The following PHACTR3 variants were observed in gnomAD, a reference collection of about 807,000 sequenced individuals.
The protein encoded by PHACTR3 is protein phosphatase 1, regulatory subunit 123.
Under a neutral mutation model 66.8 loss-of-function variants are expected in PHACTR3, and 16 were observed. The ratio of observed to expected loss-of-function variants is 0.24; its 90% CI spans 0.16 to 0.36. The LOEUF is 0.36. Ranked by LOEUF, PHACTR3 falls within the 10% of genes least tolerant of loss-of-function variation. The pLI is 1.00. For missense variants in PHACTR3, 647 were observed against 719.9 expected (o/e 0.90, Z 1.16); for synonymous variants, 323 against 292.1 (o/e 1.11, Z -1.08).
chr20:59,594,252 G>C (rs1465550572), intron 1 of PHACTR3, among the ~76,000 whole-genome samples: 1 of 151,972 alleles, frequency 6.6e-6, no homozygotes, highest in Non-Finnish European at 1.5e-5. Flanking sequence ...CTGGTTTATA[G>C]AAAGAGATTA....
intron 1 of PHACTR3, among the ~76,000 whole-genome samples, chr20:59,735,063 G>T (rs1173816225): frequency 6.6e-6 from 1 of 152,196 alleles, no homozygotes; most frequent in Non-Finnish European, 1.5e-5. Flanking sequence ...CTAACACTGT[G>T]CTTTGTTCAA....
chr20:59,843,516 C>T (rs2059100460), intron 11 of PHACTR3: 1 of 151,914 alleles, frequency 6.6e-6, no homozygotes, highest in African/African-American at 2.4e-5. Flanking sequence ...GAATAGAAAA[C>T]CCAGAAAAAA....
At chr20:59,650,381 G>T (rs924564702) in intron 1 of PHACTR3, among the ~76,000 whole-genome samples, 6 of 152,048 alleles carry the variant, frequency 3.9e-5, no homozygotes. Context: ...GATTGTTCTC[G>T]TTGGGGGGAG....
intron 1 of PHACTR3, among the ~76,000 whole-genome samples, chr20:59,711,338 T>C (rs2037907748): frequency 6.6e-6 from 1 of 152,230 alleles, no homozygotes; most frequent in Non-Finnish European, 1.5e-5. Context: ...TTTTAAGCTC[T>C]TGACACACAT....
intron 8 of PHACTR3, among the ~76,000 whole-genome samples, chr20:59,824,507 G>A (rs2042129920): frequency 1.3e-5 from 2 of 152,220 alleles, no homozygotes; most frequent in South Asian, 4.1e-4. Context: ...GGCTAATGGA[G>A]CAGCACCCGG....
At chr20:59,687,579 G>A (rs1049032011) in intron 1 of PHACTR3, among the ~76,000 whole-genome samples, 3 of 152,102 alleles carry the variant, frequency 2.0e-5, no homozygotes, top group African/African-American at 7.2e-5. Flanking sequence ...GCCTCCGGGA[G>A]GTGTCAGAGA....
rs2033778976 is a variant in PHACTR3, at chr20:59,609,398, C to T, written c.118+4266C>T. On this transcript the variant is annotated intron_variant, in intron 1 of 12. Coordinates refer to ENST00000371015, the MANE Select transcript of PHACTR3 (RefSeq NM_080672.5). Reference sequence around the variant, plus strand: ...CGTCAACACCAGGCTCTGTTCTTGACACCTCCCTCTCCCAAGGTCACAGGT... The same window carrying T: ...CGTCAACACCAGGCTCTGTTCTTGATACCTCCCTCTCCCAAGGTCACAGGT... Among the ~76,000 whole-genome samples the T allele has an allele frequency of 3.9e-5, 6 of 152,162 alleles. No homozygotes were observed. The South Asian group carries it at 1.2e-3, about 32-fold the overall frequency.
chr20:59,584,300 G>T (rs1362651900), intron 1 of PHACTR3, among the ~76,000 whole-genome samples: 1 of 151,736 alleles, frequency 6.6e-6, no homozygotes, highest in Non-Finnish European at 1.5e-5. Context: ...GTACGTGCCT[G>T]TGTGTGACTG....
At chr20:59,844,451 GTGTATATA>G (rs1321647333) in intron 11 of PHACTR3, 1 of 152,040 alleles carries the variant, frequency 6.6e-6, no homozygotes, top group Non-Finnish European at 1.5e-5. Flanking sequence ...AATGTAGTGC[GTGTATATA>G]TGTATATGTG....
chr20:59,847,114 G>T lies in PHACTR3; in HGVS notation c.1665-1G>T. On this transcript the variant is annotated splice_acceptor_variant, in intron 12 of 12. Transcript: ENST00000371015. LOFTEE classifies it high-confidence loss of function. ...TTCTTTGTCTTTTTTATAATCTCTA[G>T]ATTCCACAGGCCATAGAGATTTTCT... is the stretch of plus-strand genomic sequence containing the variant. 6.6e-7 allele frequency: 1 copy of T among 1,520,780 alleles called. No homozygotes were observed. The highest frequency in any genetic ancestry group is 9.1e-7 in the Non-Finnish European group (1 of 1,101,278). The allele number at this position is 1,520,780 out of a possible 1,614,324, so 94.2% of individuals were successfully genotyped here.
chr20:59,792,691 A>G (rs2041138574), intron 7 of PHACTR3, among the ~76,000 whole-genome samples: 1 of 152,162 alleles, frequency 6.6e-6, no homozygotes, highest in Non-Finnish European at 1.5e-5. Context: ...TTTTTCATAT[A>G]CTTATCACCA....
chr20:59,769,853 A>T (rs539950113), intron 5 of PHACTR3, among the ~76,000 whole-genome samples: 47 of 152,244 alleles, frequency 3.1e-4, no homozygotes, highest in Non-Finnish European at 5.9e-4. Flanking sequence ...TCTTTATGCA[A>T]CATGGCCACA....
At chr20:59,836,925 C>T (rs1213001218) in intron 9 of PHACTR3, among the ~76,000 whole-genome samples, 2 of 152,132 alleles carry the variant, frequency 1.3e-5, no homozygotes, top group African/African-American at 2.4e-5. Flanking sequence ...GAGAAGGACA[C>T]GCCCCTTGCC....
chr20:59,827,517 C>T (rs1295422657), intron 8 of PHACTR3, among the ~76,000 whole-genome samples: 2 of 152,132 alleles, frequency 1.3e-5, no homozygotes, highest in Non-Finnish European at 2.9e-5. Context: ...CAGGGCACAG[C>T]GGCCTGGCTA....
intron 8 of PHACTR3, among the ~76,000 whole-genome samples, chr20:59,809,989 T>C (rs1568844068): frequency 6.6e-6 from 1 of 152,256 alleles, no homozygotes; most frequent in South Asian, 2.1e-4. Flanking sequence ...ACTTCTGTTA[T>C]TTGCGGTTGC....
chr20:59,693,059 A>G (rs911859318), intron 1 of PHACTR3, among the ~76,000 whole-genome samples: 1 of 152,196 alleles, frequency 6.6e-6, no homozygotes, highest in South Asian at 2.1e-4. Context: ...GGGTCACATT[A>G]CCGTCATGAC....
rs577109455 is a variant in PHACTR3 at position 59,752,877 on chromosome 20, C to T, written c.359-2305C>T. Among the ~76,000 whole-genome samples the T allele has an allele frequency of 4.6e-5, 7 of 152,292 alleles. No individual in the cohort carries two copies. The South Asian group carries it at 1.5e-3, about 32-fold the overall frequency. On this transcript the variant is annotated intron_variant, in intron 3 of 12. Transcript: ENST00000371015. Reference sequence around the variant, plus strand: ...CAAGCTGGCAGAGCCCTGTGCTCCCCTACGCCAGCTCTCACATTCCCTGTG... The same window carrying T: ...CAAGCTGGCAGAGCCCTGTGCTCCCTTACGCCAGCTCTCACATTCCCTGTG...
upstream of PHACTR3, chr20:59,603,357 T>A (rs2033536483): frequency 6.6e-6 from 1 of 152,210 alleles, no homozygotes; most frequent in Non-Finnish European, 1.5e-5. Context: ...AATGAATGAA[T>A]GAGTCCTTTC....
chr20:59,632,347 C>G (rs57764332), intron 1 of PHACTR3, among the ~76,000 whole-genome samples: 2,661 of 152,280 alleles, frequency 0.017, 95 homozygotes, highest in African/African-American at 0.06. Flanking sequence ...GTCTCTGCCC[C>G]TGGTAATTGG....
Sources: gnomAD v4.1 joint callset for allele counts (sites outside exome capture counted in the v4.1 genomes callset) on GRCh38, gnomAD v4.1.1 for gene constraint, MANE v1.5 for transcripts, NCBI Gene and HGNC (gene_info 2026-07-23, HGNC 2026-07-21) for gene names.